ATP8B1: variants seen among roughly 807,000 people sequenced by gnomAD.
ATP8B1 encodes ATPase phospholipid transporting 8B1, also known as phospholipid-transporting ATPase IC.
In ATP8B1, 80 loss-of-function variants were observed where a neutral mutation model predicts 149.9. The ratio of observed to expected loss-of-function variants is 0.53; its 90% CI spans 0.45 to 0.64. ATP8B1 has a LOEUF of 0.64. ATP8B1 is among the 30% of genes least tolerant of loss of function. The pLI is 0.00. For synonymous variants in ATP8B1, 536 were observed against 562.8 expected (o/e 0.95, Z 0.67); for missense variants, 1,247 against 1,552.6 (o/e 0.80, Z 3.31).
rs71171079 is a variant in ATP8B1 at position 57,736,453 on chromosome 18, GTTTTT to G, written c.-25-4626_-25-4622del. On this transcript the variant is annotated intron_variant, in intron 1 of 27. Transcript: ENST00000648908. ...TTTCTTCTAGTATAAAGTTTTACTAGTTTTTTTTTTTTTTTTTTTTTTTTGAGAGA... is the reference window on the plus strand; with the variant it reads ...TTTCTTCTAGTATAAAGTTTTACTAGTTTTTTTTTTTTTTTTTTTGAGAGA... 6.8e-3 allele frequency among the ~76,000 whole-genome samples: 476 copies of G among 70,146 alleles called. 7 individuals are homozygous for G. Among genetic ancestry groups the G allele is most frequent in the Middle Eastern group, 0.011 (1 of 94 alleles). 46.0% of individuals were successfully genotyped at this position (70,146 alleles called of 152,430 possible). A position where few individuals can be genotyped will look rare whatever the true frequency, so the allele number is the denominator to read the frequency against.
chr18:57,788,811 A>G (rs1182938301), intron 1 of ATP8B1, among the ~76,000 whole-genome samples: 1 of 152,238 alleles, frequency 6.6e-6, no homozygotes, highest in Non-Finnish European at 1.5e-5. Flanking sequence ...CAGCCCATTC[A>G]GTGACTCACC....
At chr18:57,749,570 G>A (rs554238276) in intron 1 of ATP8B1, among the ~76,000 whole-genome samples, 1 of 152,086 alleles carries the variant, frequency 6.6e-6, no homozygotes, top group South Asian at 2.1e-4. Context: ...ACTTACCCCC[G>A]AATTAACCTG....
chr18:57,652,237 A>G, intron 25 of ATP8B1, 65 bp from the exon 26 acceptor site: 1 of 1,594,394 alleles, frequency 6.3e-7, no homozygotes, highest in South Asian at 1.1e-5. Context: ...TAAAGGATCT[A>G]ACAATCCTGA....
chr18:57,667,807 A>T (rs1371404405), intron 19 of ATP8B1, among the ~76,000 whole-genome samples: 1 of 151,950 alleles, frequency 6.6e-6, no homozygotes, highest in Non-Finnish European at 1.5e-5. Context: ...TTTTCCTTTT[A>T]AATTACCACC....
At chr18:57,796,438 G>T (rs1448406485) in intron 1 of ATP8B1, among the ~76,000 whole-genome samples, 6 of 152,122 alleles carry the variant, frequency 3.9e-5, no homozygotes, top group Admixed American at 2.6e-4. Context: ...GAGCTTAGGA[G>T]TTCGAGACCA....
intron 2 of ATP8B1, among the ~76,000 whole-genome samples, chr18:57,726,110 C>T (rs1468134344): frequency 1.3e-5 from 2 of 152,142 alleles, no homozygotes; most frequent in African/African-American, 2.4e-5. Flanking sequence ...TACCTGTAGT[C>T]CCAGCTACTC....
At chr18:57,651,133 G>T (rs1247794019) in intron 26 of ATP8B1, among the ~76,000 whole-genome samples, 1 of 152,104 alleles carries the variant, frequency 6.6e-6, no homozygotes, top group Non-Finnish European at 1.5e-5. Context: ...TTGAGATAGG[G>T]TCTCACTCTG....
rs747906077 is a variant in ATP8B1, at chr18:57,671,517, C to T, written c.1883G>A (p.Arg628Gln). The T allele has an allele frequency of 1.7e-5, 27 of 1,614,092 alleles. No homozygotes were observed. Among genetic ancestry groups the T allele is most frequent in the South Asian group, 9.9e-5 (9 of 91,070 alleles). Reference protein sequence around the residue: ...CKGADTVIYERLHRMNPTKQE... With the variant: ...CKGADTVIYEQLHRMNPTKQE... ...CTTAGTAGGATTCATTCGATGTAAC[C>T]GTTCATAAATAACAGTGTCAGCACC... The change falls in exon 17 of 28, where the codon CGG (arginine) becomes CAG (glutamine). Residue 628 changes from arginine to glutamine, a missense_variant. Around this residue, in one of 3 missense-constraint regions of ATP8B1, gnomAD observed 853 missense variants for 1,035.7 expected, o/e 0.82. Coordinates refer to ENST00000648908, the MANE Select transcript of ATP8B1 (RefSeq NM_001374385.1).
At chr18:57,690,455 A>G (rs1912476648) in intron 12 of ATP8B1, among the ~76,000 whole-genome samples, 2 of 152,260 alleles carry the variant, frequency 1.3e-5, no homozygotes, top group South Asian at 4.1e-4. Context: ...TCTCCAAGAA[A>G]AAAGAAATCG....
chr18:57,697,468 G>T, intron 8 of ATP8B1, 150 bp downstream of exon 8: 1 of 834,486 alleles, frequency 1.2e-6, no homozygotes. Flanking sequence ...CCACTTCACA[G>T]AGGCGCAAAG....
chr18:57,766,891 T>C (rs544357887), intron 1 of ATP8B1, among the ~76,000 whole-genome samples: 1 of 152,136 alleles, frequency 6.6e-6, no homozygotes, highest in African/African-American at 2.4e-5. Context: ...GAAATTGAGG[T>C]CTAACCTGAG....
At position 57,674,910 on chromosome 18, in the gene ATP8B1, T is replaced by C. The variant is rs753462431; in HGVS notation, c.1743A>G (p.Glu581=). ...ARTQNTITIS[E]LGTERTYNVL... is the part of the protein sequence containing the mutation. The stretch of plus-strand genomic sequence containing the variant: ...CATTGTAAGTCCTTTCAGTGCCCAG[T>C]TCACTGATGGTGATGGTGTTCTGGG... The change falls in exon 16 of 28, where the codon GAA becomes GAG. Residue 581 remains glutamate, a synonymous_variant. Coordinates refer to ENST00000648908, the MANE Select transcript of ATP8B1 (RefSeq NM_001374385.1). The C allele has an allele frequency of 6.2e-7, 1 of 1,614,248 alleles. No homozygotes were observed. The highest frequency in any genetic ancestry group is 2.2e-5 in the East Asian group (1 of 44,892).
At chr18:57,678,479 T>C (rs902125361) in intron 15 of ATP8B1, among the ~76,000 whole-genome samples, 6 of 151,204 alleles carry the variant, frequency 4.0e-5, no homozygotes, top group Non-Finnish European at 8.8e-5. Context: ...CCCAGCTACT[T>C]GGGAGGCTGA....
At chr18:57,709,723 A>C (rs144761932) in intron 2 of ATP8B1, among the ~76,000 whole-genome samples, 54 of 150,874 alleles carry the variant, frequency 3.6e-4, no homozygotes, top group African/African-American at 1.3e-3. Context: ...TCTGTCATCC[A>C]GGGTGGAGTG....
At position 57,675,032 on chromosome 18, in the gene ATP8B1, A is replaced by T. The variant is rs1305522261; in HGVS notation, c.1631-10T>A. 6.2e-7 allele frequency: 1 copy of T among 1,613,594 alleles called. No individual in the cohort carries two copies. Among genetic ancestry groups the T allele is most frequent in the Non-Finnish European group, 8.5e-7 (1 of 1,179,878 alleles). On this transcript the variant is annotated splice_polypyrimidine_tract_variant and intron_variant, in intron 15 of 27. Coordinates refer to ENST00000648908, the MANE Select transcript of ATP8B1 (RefSeq NM_001374385.1). ...TGGTAGTTGAGCTGACCTAACAAGG[A>T]AGCGAGAGAAATCCCAGAAAAGCTG...
intron 4 of ATP8B1, 135 bp downstream of exon 4, chr18:57,704,420 C>G (rs1913283942): frequency 4.4e-6 from 3 of 677,334 alleles, no homozygotes; most frequent in African/African-American, 3.6e-5. Flanking sequence ...GTGTATGAGG[C>G]ACTGTTCCTT....
At chr18:57,720,098 A>G (rs908408240) in intron 2 of ATP8B1, among the ~76,000 whole-genome samples, 1 of 151,742 alleles carries the variant, frequency 6.6e-6, no homozygotes, top group African/African-American at 2.4e-5. Flanking sequence ...CCATCTGTAC[A>G]TCACCATCAT....
rs1910370041 is a variant in ATP8B1 at position 57,661,176 on chromosome 18, T to G, written c.2705A>C (p.Lys902Thr). The change falls in exon 22 of 28, where the codon AAA becomes ACA. Residue 902 changes from lysine (K) to threonine (T), a missense_variant and splice_region_variant. Coordinates refer to ENST00000648908, the MANE Select transcript of ATP8B1 (RefSeq NM_001374385.1). Reference sequence around the variant, plus strand: ...CTGGCCGTGGGTGCATGACTCACTTTTGATCATGTTCACGTCATTGGCCCC... The same window carrying G: ...CTGGCCGTGGGTGCATGACTCACTTGTGATCATGTTCACGTCATTGGCCCC... ...GDGANDVNMI[K>T]TAHIGVGISG... is the part of the protein sequence containing the mutation. The G allele has an allele frequency of 6.2e-7, 1 of 1,613,550 alleles. No individual in the cohort carries two copies. Among genetic ancestry groups the G allele is most frequent in the Non-Finnish European group, 8.5e-7 (1 of 1,180,042 alleles).
chr18:57,668,852 G>T, intron 18 of ATP8B1: 1 of 287,592 alleles, frequency 3.5e-6, no homozygotes, highest in Non-Finnish European at 6.4e-6. Context: ...GACATAAACC[G>T]TAAACCAGTT....
Sources: allele counts gnomAD v4.1 joint callset (sites outside exome capture counted in the v4.1 genomes callset), GRCh38; gene constraint gnomAD v4.1.1; regional missense constraint gnomAD v4.1.1; transcripts MANE v1.5; gene names NCBI Gene and HGNC (gene_info 2026-07-23, HGNC 2026-07-21).